KSR2: variants seen among roughly 807,000 people sequenced by gnomAD.
The protein encoded by KSR2 is kinase suppressor of ras 2.
In KSR2, 25 loss-of-function variants were observed where a neutral mutation model predicts 107.8. The observed-to-expected ratio is 0.23, with a 90% confidence interval of 0.17 to 0.32. The LOEUF (loss-of-function observed/expected upper bound fraction) is 0.32. KSR2 is among the 10% of genes least tolerant of loss of function. The pLI is 1.00. For missense variants in KSR2, 887 were observed against 1,268.9 expected, an observed-to-expected ratio of 0.70 and a Z score of 4.57; for synonymous variants, 480 against 507.0, an observed-to-expected ratio of 0.95 and a Z score of 0.71.
intron 5 of KSR2, among the ~76,000 whole-genome samples, chr12:117,607,859 C>A (rs1881378427): frequency 6.6e-6 from 1 of 152,162 alleles, no homozygotes; most frequent in South Asian, 2.1e-4. Context: ...CTTTTGGAGA[C>A]AGCAGGGCAG....
intron 5 of KSR2, among the ~76,000 whole-genome samples, chr12:117,602,322 G>C (rs1437716346): frequency 6.6e-6 from 1 of 152,156 alleles, no homozygotes; most frequent in Non-Finnish European, 1.5e-5. Context: ...CATCACCTCT[G>C]TATAGTTCCA....
intron 1 of KSR2, among the ~76,000 whole-genome samples, chr12:117,863,746 A>G (rs796792765): frequency 3.3e-5 from 5 of 152,292 alleles, no homozygotes; most frequent in African/African-American, 9.6e-5. Flanking sequence ...CAAGATGTCA[A>G]CAGGGCTGGT....
intron 1 of KSR2, among the ~76,000 whole-genome samples, chr12:117,959,094 C>T (rs188666981): frequency 3.9e-5 from 6 of 152,258 alleles, no homozygotes; most frequent in Admixed American, 2.0e-4. Flanking sequence ...CTAAATATCA[C>T]ACATACCCTG....
intron 1 of KSR2, among the ~76,000 whole-genome samples, chr12:117,910,647 T>G (rs920612184): frequency 6.6e-6 from 1 of 152,198 alleles, no homozygotes; most frequent in East Asian, 1.9e-4. Context: ...AGAGAAATGC[T>G]TGGAATAGCA....
intron 14 of KSR2, among the ~76,000 whole-genome samples, chr12:117,518,665 G>A (rs1440544627): frequency 2.0e-5 from 3 of 152,226 alleles, no homozygotes; most frequent in Non-Finnish European, 4.4e-5. Context: ...CATTGCCGTA[G>A]GATAAACACT....
intron 1 of KSR2, among the ~76,000 whole-genome samples, chr12:117,959,582 CAGA>C (rs762686252): frequency 2.0e-5 from 3 of 152,128 alleles, no homozygotes; most frequent in Non-Finnish European, 2.9e-5. Flanking sequence ...CTGCAGCAAT[CAGA>C]AGATCATTTA....
intron 4 of KSR2, among the ~76,000 whole-genome samples, chr12:117,705,794 A>G (rs1386926617): frequency 1.3e-5 from 2 of 152,078 alleles, no homozygotes; most frequent in Non-Finnish European, 2.9e-5. Context: ...CCTCTTTGGG[A>G]ATTCTTGCTG....
intron 1 of KSR2, among the ~76,000 whole-genome samples, chr12:117,913,778 G>T (rs2137435837): frequency 6.6e-6 from 1 of 152,248 alleles, no homozygotes; most frequent in African/African-American, 2.4e-5. Context: ...ATAAATTTCA[G>T]TTGTATGAAG....
chr12:117,638,902 T>C (rs1188843101), intron 5 of KSR2, among the ~76,000 whole-genome samples: 1 of 152,102 alleles, frequency 6.6e-6, no homozygotes, highest in African/African-American at 2.4e-5. Flanking sequence ...ATGCAATAAT[T>C]TTTTAAAAAT....
At chr12:117,904,980 G>A (rs1266139343) in intron 1 of KSR2, among the ~76,000 whole-genome samples, 4 of 152,254 alleles carry the variant, frequency 2.6e-5, no homozygotes, top group African/African-American at 4.8e-5. Context: ...TCAGGAGTTC[G>A]AGACCAGCTT....
chr12:117,787,676 G>A (rs1313074656), intron 3 of KSR2, among the ~76,000 whole-genome samples: 3 of 152,094 alleles, frequency 2.0e-5, no homozygotes, highest in Non-Finnish European at 2.9e-5. Flanking sequence ...AAAGCAAAGT[G>A]CAAATATAGT....
intron 3 of KSR2, among the ~76,000 whole-genome samples, chr12:117,810,024 G>C (rs1232450318): frequency 6.6e-6 from 1 of 152,186 alleles, no homozygotes; most frequent in Non-Finnish European, 1.5e-5. Flanking sequence ...TCTGTCAACA[G>C]CAGCTCTCAG....
chr12:117,780,814 C>A (rs1023995772), intron 3 of KSR2, among the ~76,000 whole-genome samples: 2 of 152,150 alleles, frequency 1.3e-5, no homozygotes, highest in African/African-American at 4.8e-5. Flanking sequence ...CTTGGACATA[C>A]AATGTCTAGC....
chr12:117,860,589 C>T (rs1212885545), intron 1 of KSR2, among the ~76,000 whole-genome samples, 158 bp from the exon 2 acceptor site: 1 of 152,174 alleles, frequency 6.6e-6, no homozygotes, highest in Non-Finnish European at 1.5e-5. Flanking sequence ...CCCATCTTTC[C>T]ACCTCGTTGG....
chr12:117,600,223 A>C (rs1880864668), intron 5 of KSR2, among the ~76,000 whole-genome samples: 1 of 152,218 alleles, frequency 6.6e-6, no homozygotes, highest in Non-Finnish European at 1.5e-5. Flanking sequence ...AAACAAATTC[A>C]CAAAGCAGTC....
intron 1 of KSR2, among the ~76,000 whole-genome samples, chr12:117,866,038 C>CTTTTTTTT (rs397838492): frequency 0.027 from 3,311 of 123,796 alleles, 279 homozygotes; most frequent in East Asian, 0.26. Context: ...TAATCTCTCT[C>CTTTTTTTT]TTTTTTTTTT....
At chr12:117,808,733 G>A (rs924453041) in intron 3 of KSR2, among the ~76,000 whole-genome samples, 24 of 151,864 alleles carry the variant, frequency 1.6e-4, no homozygotes, top group Admixed American at 1.3e-3. Context: ...TGGTGAATTC[G>A]TTGCCATCCT....
At chr12:117,908,292 C>T (rs1481071995) in intron 1 of KSR2, among the ~76,000 whole-genome samples, 25 of 150,760 alleles carry the variant, frequency 1.7e-4, no homozygotes, top group African/African-American at 6.1e-4. Context: ...AATTATTTAC[C>T]GAGTTTGGCT....
At chr12:117,535,422 C>T (rs1405689224) in intron 10 of KSR2, among the ~76,000 whole-genome samples, 4 of 152,064 alleles carry the variant, frequency 2.6e-5, no homozygotes, top group African/African-American at 9.7e-5. Flanking sequence ...CAGATCATGG[C>T]ACAGAGTGAT....
Sources: gnomAD v4.1 joint callset for allele counts (sites outside exome capture counted in the v4.1 genomes callset) on GRCh38, gnomAD v4.1.1 for gene constraint, MANE v1.5 for transcripts, NCBI Gene and HGNC (gene_info 2026-07-23, HGNC 2026-07-21) for gene names.